The following GOLIM4 variants were observed in gnomAD, a reference collection of about 807,000 sequenced individuals.
GOLIM4 encodes the protein golgi integral membrane protein 4.
A neutral mutation model predicts 107.4 loss-of-function variants in GOLIM4; 71 were observed. The ratio of observed to expected loss-of-function variants is 0.66; its 90% CI spans 0.55 to 0.81. The LOEUF (loss-of-function observed/expected upper bound fraction) is 0.81. Among genes scored for constraint, GOLIM4 ranks in the 30% least tolerant of loss-of-function variants. The pLI, the probability that GOLIM4 is intolerant of heterozygous loss-of-function variation, is 0.00. For synonymous variants in GOLIM4, 327 were observed against 294.8 expected, an observed-to-expected ratio of 1.11 and a Z score of -1.12; for missense variants, 830 against 826.1, an observed-to-expected ratio of 1.00 and a Z score of -0.06.
At chr3:168,035,267 A>G (rs1349934877) in intron 8 of GOLIM4, among the ~76,000 whole-genome samples, 2 of 152,228 alleles carry the variant, frequency 1.3e-5, no homozygotes, top group Admixed American at 1.3e-4. Context: ...AGACCTAAAG[A>G]TATAAATACC....
intron 14 of GOLIM4, among the ~76,000 whole-genome samples, chr3:168,019,962 AT>A (rs1221103602): frequency 2.0e-5 from 3 of 150,626 alleles, no homozygotes; most frequent in Non-Finnish European, 4.4e-5. Flanking sequence ...ACAAAAAAAA[AT>A]GGTCACTTTG....
rs1428686755 is a variant in GOLIM4 at position 168,010,767 on chromosome 3, C to A, written c.1917G>T (p.Glu639Asp). ...KKRELEHNAE[E>D]TYGENDENTD... ...CATTTTCATCATTTTCACCATAGGT[C>A]TCTTCAGCATTATGCTCCAGTTCCC... is the stretch of plus-strand genomic sequence containing the variant. The change falls in exon 15 of 16, where the codon GAG becomes GAT. Residue 639 changes from glutamate to aspartate, a missense_variant. By Grantham distance (45) the Glu-to-Asp change is conservative (BLOSUM62 2). Transcript: ENST00000470487. The A allele has an allele frequency of 1.2e-6, 2 of 1,611,644 alleles. No homozygotes were observed. The highest frequency in any genetic ancestry group is 1.7e-6 in the Non-Finnish European group (2 of 1,178,090).
intron 2 of GOLIM4, among the ~76,000 whole-genome samples, chr3:168,047,606 G>A (rs1440087381): frequency 6.6e-6 from 1 of 152,098 alleles, no homozygotes; most frequent in Non-Finnish European, 1.5e-5. Flanking sequence ...TCCTACCAAG[G>A]TAGGCAGACA....
At chr3:168,022,986 C>T (rs1173533871) in intron 14 of GOLIM4, among the ~76,000 whole-genome samples, 1 of 152,164 alleles carries the variant, frequency 6.6e-6, no homozygotes, top group African/African-American at 2.4e-5. Context: ...TTTCTCCTTT[C>T]CTCTTGCCTC....
chr3:168,036,292 G>C (rs1282561225), intron 8 of GOLIM4, among the ~76,000 whole-genome samples: 1 of 152,230 alleles, frequency 6.6e-6, no homozygotes, highest in African/African-American at 2.4e-5. Flanking sequence ...TATAATCCCA[G>C]CACTTTGGGA....
chr3:168,087,721 T>C (rs931859275), intron 1 of GOLIM4, among the ~76,000 whole-genome samples: 3 of 152,274 alleles, frequency 2.0e-5, no homozygotes, highest in South Asian at 4.1e-4. Flanking sequence ...AAAAGTTACA[T>C]TAGGTTTCTA....
rs1316059745 is a variant in GOLIM4 at position 168,095,910 on chromosome 3, C to T, written c.-625G>A. ...ACCTCCTGCCCAACTTACGTGTCACCCACGGCCCGGCTATTCTGGCCAACG... is the reference window on the plus strand; with the variant it reads ...ACCTCCTGCCCAACTTACGTGTCACTCACGGCCCGGCTATTCTGGCCAACG... On this transcript the variant is annotated 5_prime_UTR_variant, in exon 1 of 16. Transcript: ENST00000470487. 1 of 152,438 alleles carries T rather than the reference C, an allele frequency of 6.6e-6. No homozygotes were observed. Among genetic ancestry groups the T allele is most frequent in the Non-Finnish European group, 1.5e-5 (1 of 68,210 alleles). 9.4% of individuals were successfully genotyped at this position (152,438 alleles called of 1,614,324 possible). A position where few individuals can be genotyped will look rare whatever the true frequency, so the allele number is the denominator to read the frequency against.
Position 168,036,995 on chromosome 3 carries a change from C to G in GOLIM4, c.685-1G>C, listed in dbSNP as rs766890010. ...GTTGTTTATATTCTGCAACTTGAGT[C>G]TGCATATAAATTGCACAATTTGAGG... On this transcript the variant is annotated splice_acceptor_variant, in intron 7 of 15. Coordinates refer to ENST00000470487, the MANE Select transcript of GOLIM4 (RefSeq NM_014498.5). LOFTEE classifies it high-confidence loss of function. The G allele has an allele frequency of 1.4e-6, 2 of 1,472,392 alleles. No homozygotes were observed. The highest frequency in any genetic ancestry group is 1.5e-5 in the African/African-American group (1 of 66,000). The allele number at this position is 1,472,392 out of a possible 1,614,324, so 91.2% of individuals were successfully genotyped here.
At chr3:168,074,106 G>A (rs750872501) in intron 1 of GOLIM4, among the ~76,000 whole-genome samples, 8 of 152,310 alleles carry the variant, frequency 5.3e-5, no homozygotes, top group South Asian at 2.1e-4. Context: ...GAGGAGGGGC[G>A]CACACAGAGA....
In GOLIM4 at chr3:168,032,613, G is replaced by A. The variant is rs746880937; in HGVS notation, c.1083C>T (p.His361=). 16 of 1,613,792 alleles carry A rather than the reference G, an allele frequency of 9.9e-6. No homozygotes were observed. The highest frequency in any genetic ancestry group is 6.6e-5 in the South Asian group (6 of 91,062). Residue 361 remains histidine (H), a synonymous_variant, in exon 9 of 16, where the codon CAC becomes CAT. Coordinates refer to ENST00000470487, the MANE Select transcript of GOLIM4 (RefSeq NM_014498.5). ...GATCCTGCTCCTCTGGTGATGGATCGTGTTCCTCCTCAAGATGTTCTGCTT... is the reference window on the plus strand; with the variant it reads ...GATCCTGCTCCTCTGGTGATGGATCATGTTCCTCCTCAAGATGTTCTGCTT... The part of the protein sequence containing the change: ...VGQAEHLEEE[H]DPSPEEQDRE...
intron 1 of GOLIM4, among the ~76,000 whole-genome samples, chr3:168,053,992 C>T (rs1245709856): frequency 1.3e-5 from 2 of 152,158 alleles, no homozygotes; most frequent in African/African-American, 4.8e-5. Context: ...GGAAGGACAT[C>T]GCTAGGGCAC....
intron 1 of GOLIM4, among the ~76,000 whole-genome samples, chr3:168,084,407 G>A (rs1194957484): frequency 6.6e-6 from 1 of 152,154 alleles, no homozygotes; most frequent in Non-Finnish European, 1.5e-5. Context: ...ATATCGTGAC[G>A]TATTCCTGTG....
chr3:168,066,659 T>C (rs910407094), intron 1 of GOLIM4, among the ~76,000 whole-genome samples: 1 of 152,178 alleles, frequency 6.6e-6, no homozygotes, highest in South Asian at 2.1e-4. Flanking sequence ...TATACTTTTA[T>C]AGTCCTTTAC....
chr3:168,057,448 G>A (rs1166512619), intron 1 of GOLIM4, among the ~76,000 whole-genome samples: 1 of 152,176 alleles, frequency 6.6e-6, no homozygotes, highest in Admixed American at 6.5e-5. Flanking sequence ...CATGGCTAGG[G>A]AGGCCTCAGG....
rs1214299537 is a variant in GOLIM4 at position 168,010,097 on chromosome 3, G to A, written c.*172C>T. Reference sequence around the variant, plus strand: ...AATATAAAAGAAGCTCTAGACCTACGTTATCAAAATATATTCATATAAATG... The same window carrying A: ...AATATAAAAGAAGCTCTAGACCTACATTATCAAAATATATTCATATAAATG... On this transcript the variant is annotated 3_prime_UTR_variant, in exon 16 of 16. Transcript: ENST00000470487. The A allele has an allele frequency of 2.5e-5, 12 of 488,058 alleles. No homozygotes were observed. The highest frequency in any genetic ancestry group is 1.7e-4 in the East Asian group (5 of 29,984). 30.2% of individuals were successfully genotyped at this position (488,058 alleles called of 1,614,324 possible).
At chr3:168,052,978 G>C (rs1402130661) in intron 1 of GOLIM4, among the ~76,000 whole-genome samples, 2 of 152,154 alleles carry the variant, frequency 1.3e-5, no homozygotes, top group Admixed American at 6.5e-5. Flanking sequence ...TTGAATCCAA[G>C]AACTCAGGAG....
intron 4 of GOLIM4, among the ~76,000 whole-genome samples, chr3:168,044,541 T>C (rs774175185): frequency 1.3e-5 from 2 of 152,036 alleles, no homozygotes; most frequent in African/African-American, 2.4e-5. Flanking sequence ...TAAATGAACA[T>C]AAAACCCTAA....
At chr3:168,027,586 A>G (rs1718064817) in intron 12 of GOLIM4, 142 bp downstream of exon 12, 2 of 643,500 alleles carry the variant, frequency 3.1e-6, no homozygotes, top group Non-Finnish European at 5.6e-6. Context: ...CTGCCCATAT[A>G]TAATTATGCA....
chr3:168,047,247 T>C (rs1240607835), intron 2 of GOLIM4, among the ~76,000 whole-genome samples: 1 of 152,218 alleles, frequency 6.6e-6, no homozygotes, highest in Non-Finnish European at 1.5e-5. Flanking sequence ...AGCCAATTGA[T>C]TAAAAGTGCT....
Sources: gnomAD v4.1 joint callset for allele counts (sites outside exome capture counted in the v4.1 genomes callset) on GRCh38, gnomAD v4.1.1 for gene constraint, MANE v1.5 for transcripts, NCBI Gene and HGNC (gene_info 2026-07-23, HGNC 2026-07-21) for gene names.